The following SLCO3A1 variants were observed in gnomAD, a reference collection of about 807,000 sequenced individuals.
SLCO3A1 encodes solute carrier organic anion transporter family member 3A1.
SLCO3A1 carries 27 observed loss-of-function variants against 63.1 expected under a neutral mutation model. The ratio of observed to expected loss-of-function variants is 0.43; its 90% CI spans 0.32 to 0.59. The LOEUF is 0.59. Among genes scored for constraint, SLCO3A1 ranks in the 20% least tolerant of loss-of-function variants. The pLI, the probability that SLCO3A1 is intolerant of heterozygous loss-of-function variation, is 0.09. For missense variants in SLCO3A1, 773 were observed against 945.8 expected (o/e 0.82, Z 2.40); for synonymous variants, 473 against 409.9 (o/e 1.15, Z -1.86).
chr15:91,904,560 C>G lies in SLCO3A1; in HGVS notation c.181-11433C>G, dbSNP rs1898247603. 2.0e-5 allele frequency among the ~76,000 whole-genome samples: 3 copies of G among 152,242 alleles called. No individual in the cohort carries two copies. The South Asian group carries it at 6.2e-4, about 32-fold the overall frequency. Reference sequence around the variant, plus strand: ...CAGTCACTCTGTATCTCAGATGAAGCCAGTGAGGGTGTTTTGTGCCTGAGA... The same window carrying G: ...CAGTCACTCTGTATCTCAGATGAAGGCAGTGAGGGTGTTTTGTGCCTGAGA... On this transcript the variant is annotated intron_variant, in intron 1 of 9. Coordinates refer to ENST00000318445, the MANE Select transcript of SLCO3A1 (RefSeq NM_013272.4).
intron 2 of SLCO3A1, among the ~76,000 whole-genome samples, chr15:92,053,262 T>C (rs2046979598): frequency 6.6e-6 from 1 of 152,194 alleles, no homozygotes; most frequent in Admixed American, 6.5e-5. Context: ...TGCTTCCAGA[T>C]GTGGCTTCTT....
intron 2 of SLCO3A1, among the ~76,000 whole-genome samples, chr15:92,043,916 C>T (rs540693150): frequency 6.6e-6 from 1 of 152,254 alleles, no homozygotes; most frequent in African/African-American, 2.4e-5. Flanking sequence ...TCGGTTTTTC[C>T]ATCCCCCCTG....
intron 2 of SLCO3A1, among the ~76,000 whole-genome samples, chr15:92,078,267 T>G (rs1043970921): frequency 5.3e-5 from 8 of 152,228 alleles, no homozygotes; most frequent in Non-Finnish European, 1.0e-4. Context: ...GCACCAGAGC[T>G]GGCTAGCACA....
intron 7 of SLCO3A1, among the ~76,000 whole-genome samples, chr15:92,146,503 G>C (rs979323513): frequency 1.5e-4 from 23 of 152,220 alleles, no homozygotes; most frequent in African/African-American, 3.9e-4. Flanking sequence ...GCGTGACAGC[G>C]TGCAGCCTTT....
chr15:91,925,575 T>G (rs1279990243), intron 2 of SLCO3A1, among the ~76,000 whole-genome samples: 1 of 151,780 alleles, frequency 6.6e-6, no homozygotes, highest in Non-Finnish European at 1.5e-5. Flanking sequence ...GCATGGTCAA[T>G]TGTGACACAG....
At chr15:92,068,219 A>G (rs2047174638) in intron 2 of SLCO3A1, among the ~76,000 whole-genome samples, 1 of 152,198 alleles carries the variant, frequency 6.6e-6, no homozygotes, top group Non-Finnish European at 1.5e-5. Flanking sequence ...TTTCATAATT[A>G]GCATGTTTTG....
At chr15:91,861,179 G>A (rs562866428) in intron 1 of SLCO3A1, among the ~76,000 whole-genome samples, 4 of 152,328 alleles carry the variant, frequency 2.6e-5, no homozygotes, top group East Asian at 3.9e-4. Context: ...GAGCCCCAAA[G>A]CCGGGTCACT....
intron 2 of SLCO3A1, among the ~76,000 whole-genome samples, chr15:91,937,630 A>C (rs974429942): frequency 6.6e-6 from 1 of 151,794 alleles, no homozygotes; most frequent in Non-Finnish European, 1.5e-5. Context: ...GAGGCAGGAG[A>C]ATCACTTGAA....
Position 92,163,930 on chromosome 15 carries a change from A to G in SLCO3A1, c.*795A>G. The G allele has an allele frequency of 1.0e-6, 1 of 985,514 alleles. No homozygotes were observed. The highest frequency in any genetic ancestry group is 1.2e-6 in the Non-Finnish European group (1 of 829,976). The allele number at this position is 985,514 out of a possible 1,614,324, so 61.0% of individuals were successfully genotyped here. ...CCAGCCCCACAGAGTGACCTCAGGA[A>G]GCAGTAGGCCTCGCCTGGCTATGAC... is the stretch of plus-strand genomic sequence containing the variant. On this transcript the variant is annotated 3_prime_UTR_variant, in exon 10 of 10. Transcript: ENST00000318445.
chr15:91,860,838 G>A lies in SLCO3A1; in HGVS notation c.180+6750G>A, dbSNP rs1395919207. ...GTATTAAGTGGACTCTGGCAAGCAG[G>A]TCTGTGGGCATTTCCCCACGCTTGG... On this transcript the variant is annotated intron_variant, in intron 1 of 9. Coordinates refer to ENST00000318445, the MANE Select transcript of SLCO3A1 (RefSeq NM_013272.4). The surrounding 1 kb of genome is among the most constrained non-coding windows in gnomAD (Gnocchi z 5.5). 1.3e-5 allele frequency among the ~76,000 whole-genome samples: 2 copies of A among 152,168 alleles called. No individual in the cohort carries two copies. The highest frequency in any genetic ancestry group is 2.4e-5 in the African/African-American group (1 of 41,444).
At chr15:92,087,305 G>C (rs1056148702) in intron 2 of SLCO3A1, among the ~76,000 whole-genome samples, 1 of 151,654 alleles carries the variant, frequency 6.6e-6, no homozygotes, top group Non-Finnish European at 1.5e-5. Flanking sequence ...CTTCTCTTTT[G>C]CTTCATTGCT....
At chr15:92,099,026 C>T (rs190151271) in intron 3 of SLCO3A1, among the ~76,000 whole-genome samples, 11 of 152,336 alleles carry the variant, frequency 7.2e-5, no homozygotes, top group African/African-American at 2.6e-4. Context: ...TGAAACATCT[C>T]CAGGAATTTA....
At chr15:92,096,600 G>T (rs765150535) in intron 3 of SLCO3A1, among the ~76,000 whole-genome samples, 3 of 152,080 alleles carry the variant, frequency 2.0e-5, no homozygotes, top group Admixed American at 2.0e-4. Flanking sequence ...TTCTCATGCC[G>T]ATCTATCCTC....
At chr15:91,995,188 A>T (rs2046176029) in intron 2 of SLCO3A1, among the ~76,000 whole-genome samples, 1 of 152,060 alleles carries the variant, frequency 6.6e-6, no homozygotes, top group Non-Finnish European at 1.5e-5. Flanking sequence ...ATGCTGTTGG[A>T]TGTGGGTGGT....
intron 2 of SLCO3A1, among the ~76,000 whole-genome samples, chr15:91,973,319 C>T (rs1295769870): frequency 1.3e-5 from 2 of 152,194 alleles, no homozygotes; most frequent in Non-Finnish European, 2.9e-5. Context: ...CTCTGAGATA[C>T]CATTATCTCC....
chr15:92,046,005 A>C (rs562619977), intron 2 of SLCO3A1, among the ~76,000 whole-genome samples: 2 of 152,198 alleles, frequency 1.3e-5, no homozygotes, highest in Non-Finnish European at 2.9e-5. Context: ...TAATGAAGGG[A>C]AGGGATGGTT....
chr15:92,126,290 G>T, intron 6 of SLCO3A1, 31 bp downstream of exon 6: 2 of 1,585,784 alleles, frequency 1.3e-6, no homozygotes, highest in Middle Eastern at 1.7e-4. Flanking sequence ...CCGCCTTCCT[G>T]CCTGTTCAGG....
At chr15:92,119,516 T>C (rs1382479752) in intron 4 of SLCO3A1, among the ~76,000 whole-genome samples, 3 of 152,008 alleles carry the variant, frequency 2.0e-5, no homozygotes, top group Admixed American at 6.6e-5. Flanking sequence ...AGAGACCCGC[T>C]AAGGAGAAGG....
At chr15:92,047,101 A>T (rs1472380362) in intron 2 of SLCO3A1, among the ~76,000 whole-genome samples, 24 of 10,138 alleles carry the variant, frequency 2.4e-3, no homozygotes, top group African/African-American at 9.8e-3. Context: ...TATATATACA[A>T]ATATATATAT....
Sources: gnomAD v4.1 joint callset for allele counts (sites outside exome capture counted in the v4.1 genomes callset) on GRCh38, gnomAD v4.1.1 for gene constraint, Gnocchi (gnomAD v3.1) non-coding constraint, MANE v1.5 for transcripts, NCBI Gene and HGNC (gene_info 2026-07-23, HGNC 2026-07-21) for gene names.